The following KYNU variants were observed in gnomAD, a reference collection of about 807,000 sequenced individuals.
KYNU encodes the protein kynureninase.
Under a neutral mutation model 59.2 loss-of-function variants are expected in KYNU, and 54 were observed. That is an observed-to-expected ratio of 0.91 (90% confidence interval 0.73 to 1.14). The LOEUF is 1.14. Among genes scored for constraint, KYNU ranks in the 50% most tolerant of loss-of-function variants. KYNU has a pLI of 0.00. For missense variants in KYNU, 567 were observed against 554.4 expected, an observed-to-expected ratio of 1.02 and a Z score of -0.23; for synonymous variants, 177 against 192.0, an observed-to-expected ratio of 0.92 and a Z score of 0.65.
At chr2:142,888,794 A>T (rs1300397236) in intron 2 of KYNU, among the ~76,000 whole-genome samples, 1 of 150,346 alleles carries the variant, frequency 6.7e-6, no homozygotes, top group African/African-American at 2.5e-5. Context: ...CAGTTACCCT[A>T]CTCGAGACAC....
In KYNU at chr2:143,042,960, A is replaced by G. The variant is rs1326777349; in HGVS notation, c.*788A>G. On this transcript the variant is annotated 3_prime_UTR_variant, in exon 14 of 14. Coordinates refer to ENST00000264170, the MANE Select transcript of KYNU (RefSeq NM_003937.3). Reference sequence around the variant, plus strand: ...TGATAAAATAGTCTAAATAGCAAAAATAAAAGTTTTTACAATTATTTGCCT... The same window carrying G: ...TGATAAAATAGTCTAAATAGCAAAAGTAAAAGTTTTTACAATTATTTGCCT... 1.3e-5 allele frequency: 2 copies of G among 151,804 alleles called. No individual in the cohort carries two copies. Among genetic ancestry groups the G allele is most frequent in the African/African-American group, 2.4e-5 (1 of 41,364 alleles). 9.4% of individuals were successfully genotyped at this position (151,804 alleles called of 1,614,324 possible).
chr2:143,011,000 G>A (rs1216483087), intron 10 of KYNU, among the ~76,000 whole-genome samples: 9 of 145,304 alleles, frequency 6.2e-5, no homozygotes, highest in African/African-American at 2.3e-4. Flanking sequence ...ACATAGGCAT[G>A]GGCAAGGACT....
intron 8 of KYNU, among the ~76,000 whole-genome samples, 186 bp from the exon 9 acceptor site, chr2:142,984,885 ATGATGACAATTGC>A (rs1256476142): frequency 6.6e-6 from 1 of 152,040 alleles, no homozygotes; most frequent in African/African-American, 2.4e-5. Context: ...ATGTCTTAGC[ATGATGACAATTGC>A]TTTGATCTGG....
rs558492024 is a variant in KYNU, at chr2:142,985,980, T to C, written c.861T>C (p.Gly287=). 1 of 1,610,840 alleles carries C rather than the reference T, an allele frequency of 6.2e-7. No individual in the cohort carries two copies. Among genetic ancestry groups the C allele is most frequent in the African/African-American group, 1.3e-5 (1 of 74,872 alleles). Reference sequence around the variant, plus strand: ...ATGCAGGAGCAGGAGGAATTGCTGGTGCCTTCATTCATGAAAAGCATGCCC... The same window carrying C: ...ATGCAGGAGCAGGAGGAATTGCTGGCGCCTTCATTCATGAAAAGCATGCCC... The part of the protein sequence containing the change: ...YLNAGAGGIA[G]AFIHEKHAHT... The change falls in exon 10 of 14, where the codon GGT becomes GGC. Residue 287 remains glycine (G), a synonymous_variant. Coordinates refer to ENST00000264170, the MANE Select transcript of KYNU (RefSeq NM_003937.3).
At position 142,893,664 on chromosome 2, in the gene KYNU, G is replaced by GA. The variant is rs796765395; in HGVS notation, c.169+8136dup. On this transcript the variant is annotated intron_variant, in intron 2 of 13. Transcript: ENST00000264170. ...ATTGTGCATTGAGAAGATGGTATGG[G>GA]AAAAAAAAGAGACAGACAGACAGAT... Among the ~76,000 whole-genome samples the GA allele has an allele frequency of 7.3e-5, 11 of 151,718 alleles. No individual in the cohort carries two copies. In the South Asian group the frequency reaches 1.7e-3, roughly 23 times the overall value.
intron 2 of KYNU, among the ~76,000 whole-genome samples, chr2:142,904,777 C>T (rs542135624): frequency 6.6e-6 from 1 of 152,168 alleles, no homozygotes; most frequent in Non-Finnish European, 1.5e-5. Flanking sequence ...CTCTATGGTC[C>T]TTTCCACGGT....
At chr2:142,896,501 T>C (rs1270264542) in intron 2 of KYNU, among the ~76,000 whole-genome samples, 1 of 152,152 alleles carries the variant, frequency 6.6e-6, no homozygotes, top group Non-Finnish European at 1.5e-5. Context: ...TGTTTTTTAA[T>C]TGTTGAGTTT....
At chr2:143,000,032 C>G (rs913416653) in intron 10 of KYNU, among the ~76,000 whole-genome samples, 1 of 152,054 alleles carries the variant, frequency 6.6e-6, no homozygotes, top group East Asian at 1.9e-4. Context: ...TATTAATACT[C>G]TATATCCAAA....
intron 2 of KYNU, among the ~76,000 whole-genome samples, chr2:142,895,320 C>T (rs987378797): frequency 6.6e-6 from 1 of 152,168 alleles, no homozygotes; most frequent in Admixed American, 6.5e-5. Context: ...TCCCTGATAA[C>T]CACTAATCTA....
Position 143,051,813 on chromosome 2 carries a change from C to A in KYNU, c.*9641C>A, listed in dbSNP as rs1330313831. The A allele has an allele frequency of 6.6e-6, 1 of 152,160 alleles. No individual in the cohort carries two copies. The highest frequency in any genetic ancestry group is 1.5e-5 in the Non-Finnish European group (1 of 68,110). The allele number at this position is 152,160 out of a possible 1,614,324, so 9.4% of individuals were successfully genotyped here. On this transcript the variant is annotated 3_prime_UTR_variant, in exon 14 of 14. Coordinates refer to ENST00000264170, the MANE Select transcript of KYNU (RefSeq NM_003937.3). Reference sequence around the variant, plus strand: ...TCTTTATCAGCAGCCTGAAAACTGACTAATATAGTAAGTTGGCACCAGTAG... The same window carrying A: ...TCTTTATCAGCAGCCTGAAAACTGAATAATATAGTAAGTTGGCACCAGTAG...
chr2:142,943,627 G>A (rs1377399152), intron 4 of KYNU, among the ~76,000 whole-genome samples: 1 of 152,078 alleles, frequency 6.6e-6, no homozygotes, highest in Non-Finnish European at 1.5e-5. Context: ...CTTCTCCCTG[G>A]ATAGATAAAA....
At chr2:142,920,967 T>C (rs991341758) in intron 3 of KYNU, among the ~76,000 whole-genome samples, 1 of 152,240 alleles carries the variant, frequency 6.6e-6, no homozygotes, top group Non-Finnish European at 1.5e-5. Flanking sequence ...TCTGATGTTT[T>C]CCAGCTGAAG....
At position 143,033,321 on chromosome 2, in the gene KYNU, G is replaced by A. The variant is rs1483044652; in HGVS notation, c.1041G>A (p.Glu347=). Residue 347 remains glutamate (E), a splice_region_variant and synonymous_variant, in exon 12 of 14, where the codon GAG becomes GAA. Coordinates refer to ENST00000264170, the MANE Select transcript of KYNU (RefSeq NM_003937.3). ...TCTGTTCCTTGCATGCTAGTTTAGA[G>A]GTAAGTGATGTGTGTTTCAACCTTC... ...LLVCSLHASL[E]IFKQATMKAL... 1 of 1,608,720 alleles carries A rather than the reference G, an allele frequency of 6.2e-7. No individual in the cohort carries two copies. The highest frequency in any genetic ancestry group is 2.2e-5 in the East Asian group (1 of 44,870).
intron 4 of KYNU, among the ~76,000 whole-genome samples, chr2:142,946,246 GC>G (rs1337949121): frequency 6.6e-6 from 1 of 151,596 alleles, no homozygotes; most frequent in African/African-American, 2.4e-5. Context: ...ACCATGCCTG[GC>G]TACTTTTTGT....
At chr2:143,025,082 A>T (rs981487758) in intron 10 of KYNU, among the ~76,000 whole-genome samples, 1 of 151,320 alleles carries the variant, frequency 6.6e-6, no homozygotes, top group African/African-American at 2.4e-5. Context: ...TGATTTCTGC[A>T]TGCTCATTTT....
chr2:142,972,224 G>A (rs1314535342), intron 8 of KYNU, among the ~76,000 whole-genome samples: 3 of 152,094 alleles, frequency 2.0e-5, no homozygotes, highest in South Asian at 2.1e-4. Context: ...TTAAAGTGGC[G>A]TGATTATTGT....
intron 10 of KYNU, chr2:142,989,908 C>G (rs2105169898): frequency 6.6e-6 from 1 of 151,908 alleles, no homozygotes; most frequent in African/African-American, 2.4e-5. Context: ...CATTAGCAAA[C>G]AGCAAATTGC....
At chr2:142,946,510 T>C (rs1558937207) in intron 4 of KYNU, among the ~76,000 whole-genome samples, 2 of 152,244 alleles carry the variant, frequency 1.3e-5, no homozygotes, top group Non-Finnish European at 2.9e-5. Flanking sequence ...TGGGCGACTA[T>C]GTGCATTGTC....
chr2:143,021,473 G>C (rs528791282), intron 10 of KYNU, among the ~76,000 whole-genome samples: 17 of 152,228 alleles, frequency 1.1e-4, no homozygotes, highest in Middle Eastern at 3.4e-3. Flanking sequence ...AAGAAAAGAG[G>C]TTCAATTGGC....
Sources: gnomAD v4.1 joint callset for allele counts (sites outside exome capture counted in the v4.1 genomes callset) on GRCh38, gnomAD v4.1.1 for gene constraint, MANE v1.5 for transcripts, NCBI Gene and HGNC (gene_info 2026-07-23, HGNC 2026-07-21) for gene names.